FMN1: variants seen among roughly 807,000 people sequenced by gnomAD.
The protein encoded by FMN1 is formin 1, also known as formin-1.
FMN1 carries 110 observed loss-of-function variants against 132.4 expected under a neutral mutation model. The ratio of observed to expected loss-of-function variants is 0.83; its 90% CI spans 0.71 to 0.97. The LOEUF is 0.97. FMN1 is among the 50% of genes least tolerant of loss of function. FMN1 has a pLI of 0.00. For missense variants in FMN1, 1,792 were observed against 1,705.3 expected, an observed-to-expected ratio of 1.05 and a Z score of -0.90; for synonymous variants, 722 against 651.7, an observed-to-expected ratio of 1.11 and a Z score of -1.64.
chr15:32,876,011 C>T (rs1402583872), intron 16 of FMN1, among the ~76,000 whole-genome samples: 1 of 151,914 alleles, frequency 6.6e-6, no homozygotes, highest in Admixed American at 6.6e-5. Context: ...GGATGAAGCA[C>T]CATAGGCAGG....
chr15:32,886,703 G>A (rs1158160751), intron 16 of FMN1, among the ~76,000 whole-genome samples: 1 of 152,180 alleles, frequency 6.6e-6, no homozygotes, highest in East Asian at 1.9e-4. Flanking sequence ...AGAGACAAGA[G>A]GGAATGGGCA....
chr15:32,767,866 C>T lies in FMN1; in HGVS notation c.*6444G>A, dbSNP rs1567133795. 6.6e-6 allele frequency: 1 copy of T among 152,162 alleles called. No individual in the cohort carries two copies. Among genetic ancestry groups the T allele is most frequent in the Non-Finnish European group, 1.5e-5 (1 of 68,034 alleles). The allele number at this position is 152,162 out of a possible 1,614,324, so 9.4% of individuals were successfully genotyped here. On this transcript the variant is annotated 3_prime_UTR_variant, in exon 21 of 21. Transcript: ENST00000616417. ...TCCCTCTCACTCATGGATTTGTTTTCAATGGAAATGGAAGCCTTCCAAATA... is the reference window on the plus strand; with the variant it reads ...TCCCTCTCACTCATGGATTTGTTTTTAATGGAAATGGAAGCCTTCCAAATA...
chr15:33,089,094 G>A, intron 4 of FMN1, 120 bp from the exon 5 acceptor site: 2 of 797,214 alleles, frequency 2.5e-6, no homozygotes, highest in Non-Finnish European at 3.7e-6. Context: ...TGCTTTCTAA[G>A]TTATATTTTT....
At chr15:32,808,778 GCTTT>G (rs2057769178) in intron 17 of FMN1, among the ~76,000 whole-genome samples, 1 of 152,094 alleles carries the variant, frequency 6.6e-6, no homozygotes, top group African/African-American at 2.4e-5. Flanking sequence ...CACTACTCTA[GCTTT>G]CTGACTTTTT....
chr15:33,025,833 A>G (rs2141037819), intron 6 of FMN1, among the ~76,000 whole-genome samples: 1 of 152,146 alleles, frequency 6.6e-6, no homozygotes, highest in Non-Finnish European at 1.5e-5. Context: ...AGAGAATCAG[A>G]TTCAGAATAT....
intron 10 of FMN1, among the ~76,000 whole-genome samples, chr15:32,922,093 A>C (rs2060841450): frequency 1.3e-5 from 2 of 152,126 alleles, no homozygotes; most frequent in Non-Finnish European, 2.9e-5. Flanking sequence ...TTCATAGCCA[A>C]TTCTACTATA....
chr15:32,979,525 C>T (rs996326456), intron 7 of FMN1, among the ~76,000 whole-genome samples: 21 of 132,460 alleles, frequency 1.6e-4, no homozygotes, highest in African/African-American at 5.9e-4. Flanking sequence ...CATTGCACTG[C>T]AGCCTGCGCA....
intron 6 of FMN1, among the ~76,000 whole-genome samples, chr15:33,036,177 C>T (rs1483861027): frequency 1.3e-5 from 2 of 152,170 alleles, no homozygotes; most frequent in Admixed American, 6.5e-5. Flanking sequence ...CATGCTAAGA[C>T]ACTACATTTC....
chr15:32,800,908 T>C (rs1349267838), intron 18 of FMN1, among the ~76,000 whole-genome samples: 1 of 152,090 alleles, frequency 6.6e-6, no homozygotes, highest in Non-Finnish European at 1.5e-5. Context: ...CATGTGATTA[T>C]TTTTTCTCTT....
At position 32,899,950 on chromosome 15, in the gene FMN1, C is replaced by T. The variant is rs769583822; in HGVS notation, c.3654+29G>A. 4.0e-5 allele frequency: 64 copies of T among 1,606,320 alleles called. No individual in the cohort carries two copies. The East Asian group carries it at 1.3e-3, about 33-fold the overall frequency. Reference sequence around the variant, plus strand: ...GTAAAGAAAGAAAATAATGGCAGATCATGGGAACTTATTATGAAAAATAAA... The same window carrying T: ...GTAAAGAAAGAAAATAATGGCAGATTATGGGAACTTATTATGAAAAATAAA... On this transcript the variant is annotated intron_variant, in intron 14 of 20. Transcript: ENST00000616417.
Position 33,135,465 on chromosome 15 carries a change from G to A in FMN1, c.1867+17583C>T, listed in dbSNP as rs75159899. ...GAATAACCCAGTTAGGGAGGAGAAT[G>A]TCTGCTCTGTCAGTCTGTCTTCCCT... is the stretch of plus-strand genomic sequence containing the variant. On this transcript the variant is annotated intron_variant, in intron 4 of 20. Transcript: ENST00000616417. Among the ~76,000 whole-genome samples, 244 of 152,340 alleles carry A rather than the reference G, an allele frequency of 1.6e-3. 1 individual carries two copies. Among genetic ancestry groups the A allele is most frequent in the African/African-American group, 5.8e-3 (241 of 41,578 alleles).
chr15:32,799,016 C>A (rs1428435072), intron 18 of FMN1, 63 bp from the exon 19 acceptor site: 3 of 1,452,478 alleles, frequency 2.1e-6, no homozygotes, highest in Non-Finnish European at 2.8e-6. Flanking sequence ...CACTAAAATC[C>A]ATTAGAGGGG....
At chr15:32,808,967 A>G (rs116742612) in intron 17 of FMN1, among the ~76,000 whole-genome samples, 39 of 151,388 alleles carry the variant, frequency 2.6e-4, no homozygotes, top group African/African-American at 8.7e-4. Flanking sequence ...AGGCTTTTCT[A>G]CAAAAGGGTG....
At chr15:33,157,977 G>A (rs187433983) in intron 3 of FMN1, among the ~76,000 whole-genome samples, 74 of 142,598 alleles carry the variant, frequency 5.2e-4, no homozygotes, top group Non-Finnish European at 9.6e-4. Context: ...AAGTGACAGA[G>A]CAAGACCCTG....
In FMN1 at chr15:32,823,390, T is replaced by G. The variant is rs560240140; in HGVS notation, c.3929-19058A>C. 1.4e-4 allele frequency among the ~76,000 whole-genome samples: 22 copies of G among 152,122 alleles called. No homozygotes were observed. The South Asian group carries it at 2.5e-3, about 17-fold the overall frequency. ...GGTGTTAGCCAGGAAGGTCTCGATC[T>G]CCTGACCTCGTGATCCGCCCACCTT... On this transcript the variant is annotated intron_variant, in intron 17 of 20. Transcript: ENST00000616417.
intron 16 of FMN1, among the ~76,000 whole-genome samples, chr15:32,878,914 G>C (rs564119788): frequency 5.9e-5 from 9 of 152,132 alleles, no homozygotes; most frequent in Non-Finnish European, 1.3e-4. Context: ...ACTGAGAGGA[G>C]GAAACCAGGA....
intron 9 of FMN1, among the ~76,000 whole-genome samples, chr15:32,941,072 C>T (rs1287446409): frequency 6.6e-6 from 1 of 152,106 alleles, no homozygotes; most frequent in East Asian, 1.9e-4. Flanking sequence ...AAAAAGCAGC[C>T]TGCGAAAAAA....
chr15:33,088,728 T>G (rs1032817517), intron 5 of FMN1, 71 bp downstream of exon 5: 8 of 1,306,868 alleles, frequency 6.1e-6, no homozygotes, highest in Non-Finnish European at 8.2e-6. Flanking sequence ...ACAATTTACA[T>G]TAAATACATA....
intron 6 of FMN1, among the ~76,000 whole-genome samples, chr15:33,058,605 CTTCT>C (rs1369744073): frequency 6.6e-6 from 1 of 152,170 alleles, no homozygotes; most frequent in Non-Finnish European, 1.5e-5. Flanking sequence ...CATTCACTCC[CTTCT>C]TTGATTCCTA....
Sources: gnomAD v4.1 joint callset for allele counts (sites outside exome capture counted in the v4.1 genomes callset) on GRCh38, gnomAD v4.1.1 for gene constraint, MANE v1.5 for transcripts, NCBI Gene and HGNC (gene_info 2026-07-23, HGNC 2026-07-21) for gene names.